The following ERI1 variants were observed in gnomAD, a reference collection of about 807,000 sequenced individuals.
ERI1 encodes the protein 3'-5' exoribonuclease 1.
A neutral mutation model predicts 39.7 loss-of-function variants in ERI1; 39 were observed. That is an observed-to-expected ratio of 0.98 (90% CI 0.76 to 1.28). The LOEUF (loss-of-function observed/expected upper bound fraction) is 1.28, where lower values mean the gene tolerates loss of function less well. ERI1 is among the 50% of genes most tolerant of loss of function. The probability of loss-of-function intolerance (pLI) is 0.00; values close to 1 mark genes in which losing one functional copy is unlikely to be tolerated. For missense variants in ERI1, 581 were observed against 416.9 expected (o/e 1.39, Z -3.43); for synonymous variants, 204 against 149.6 (o/e 1.36, Z -2.65).
At chr8:9,075,010 G>A (rs1799162538) in intron 3 of ERI1, among the ~76,000 whole-genome samples, 1 of 152,124 alleles carries the variant, frequency 6.6e-6, no homozygotes, top group Admixed American at 6.6e-5. Flanking sequence ...CTGGTCCCGT[G>A]GAAGCCCATT....
chr8:9,094,202 A>G (rs994240656), intron 3 of ERI1, among the ~76,000 whole-genome samples: 4 of 152,214 alleles, frequency 2.6e-5, no homozygotes, highest in Admixed American at 2.6e-4. Flanking sequence ...TTTCTTGACA[A>G]GCTCCAATTT....
In ERI1 at chr8:9,030,018, C is replaced by A; in HGVS notation, c.1034C>A (p.Pro345Gln). ...PIEGTPPPQM[P>Q]HFRK is the part of the protein sequence containing the mutation. ...GAGGGCACTCCACCACCACAAATGC[C>A]ACATTTTAGAAAGTAACAACAGTTT... is the stretch of plus-strand genomic sequence containing the variant. The change falls in exon 7 of 7, where the codon CCA (proline) becomes CAA (glutamine). Residue 345 changes from proline to glutamine, a missense_variant. By Grantham distance (76) the Pro-to-Gln change is moderately conservative. Coordinates refer to ENST00000250263, the MANE Select transcript of ERI1 (RefSeq NM_153332.4). 1 of 1,594,572 alleles carries A rather than the reference C, an allele frequency of 6.3e-7. No homozygotes were observed. Among genetic ancestry groups the A allele is most frequent in the Non-Finnish European group, 8.5e-7 (1 of 1,171,274 alleles).
At chr8:9,028,476 A>G (rs749499775) in intron 6 of ERI1, among the ~76,000 whole-genome samples, 5 of 152,242 alleles carry the variant, frequency 3.3e-5, no homozygotes, top group African/African-American at 4.8e-5. Context: ...TGATTATCCC[A>G]GTAACCCTAT....
chr8:9,061,374 G>A (rs1368755316), intron 3 of ERI1, among the ~76,000 whole-genome samples: 6 of 152,312 alleles, frequency 3.9e-5, no homozygotes, highest in African/African-American at 1.4e-4. Context: ...AACAAAGAGT[G>A]AGTACAGCTG....
downstream of ERI1, among the ~76,000 whole-genome samples, chr8:9,034,508 T>C (rs1797777736): frequency 6.7e-6 from 1 of 149,680 alleles, no homozygotes; most frequent in African/African-American, 2.6e-5. Context: ...ATTATCTCTC[T>C]TAGGGTGATT....
chr8:9,090,651 C>G (rs1262022920), intron 3 of ERI1, among the ~76,000 whole-genome samples: 2 of 152,196 alleles, frequency 1.3e-5, no homozygotes, highest in East Asian at 3.8e-4. Context: ...AGGAAACTCT[C>G]TCTGGGGTCC....
intron 3 of ERI1, among the ~76,000 whole-genome samples, chr8:9,069,161 C>A (rs939516723): frequency 6.6e-6 from 1 of 152,106 alleles, no homozygotes; most frequent in African/African-American, 2.4e-5. Flanking sequence ...GTGGGGTTAA[C>A]GGTTTGAACA....
intron 1 of ERI1, among the ~76,000 whole-genome samples, chr8:9,003,573 A>T (rs1243892728): frequency 1.3e-5 from 2 of 152,346 alleles, no homozygotes; most frequent in East Asian, 3.9e-4. Flanking sequence ...TTTTAAAAAA[A>T]GAAAAAATTT....
chr8:9,028,973 GTTTTT>G (rs34569795), intron 6 of ERI1, among the ~76,000 whole-genome samples: 1 of 113,104 alleles, frequency 8.8e-6, no homozygotes. Flanking sequence ...GAGTGTGAGA[GTTTTT>G]TTTTTTTTTT....
At chr8:9,054,665 C>T (rs953388588) in intron 3 of ERI1, among the ~76,000 whole-genome samples, 1 of 152,264 alleles carries the variant, frequency 6.6e-6, no homozygotes, top group African/African-American at 2.4e-5. Context: ...TGGCCCACGC[C>T]TGTGATCCCA....
At chr8:9,026,439 G>A (rs749552888) in intron 6 of ERI1, among the ~76,000 whole-genome samples, 1 of 151,986 alleles carries the variant, frequency 6.6e-6, no homozygotes, top group Non-Finnish European at 1.5e-5. Context: ...GTCTCTATCA[G>A]TTTGACTTAT....
intron 4 of ERI1, among the ~76,000 whole-genome samples, chr8:9,017,798 A>G (rs1379927458): frequency 2.0e-5 from 3 of 152,220 alleles, no homozygotes; most frequent in African/African-American, 4.8e-5. Flanking sequence ...GGTCTTGTGC[A>G]TCTATTTGTC....
At chr8:9,082,354 G>T (rs1416548389) in intron 3 of ERI1, among the ~76,000 whole-genome samples, 1 of 152,150 alleles carries the variant, frequency 6.6e-6, no homozygotes, top group Admixed American at 6.5e-5. Context: ...CTAATGAGTT[G>T]CCAAGTCACC....
intron 2 of ERI1, among the ~76,000 whole-genome samples, chr8:9,010,238 C>A (rs1816518484): frequency 6.6e-6 from 1 of 152,154 alleles, no homozygotes; most frequent in Non-Finnish European, 1.5e-5. Flanking sequence ...GTATGTTTGT[C>A]CTGCCATTAG....
At chr8:9,024,111 T>C (rs181216339) in intron 6 of ERI1, among the ~76,000 whole-genome samples, 1 of 152,274 alleles carries the variant, frequency 6.6e-6, no homozygotes, top group East Asian at 1.9e-4. Context: ...AAAATGACCT[T>C]CTATCCAGTC....
At chr8:9,019,743 C>T (rs1336009363) in intron 5 of ERI1, among the ~76,000 whole-genome samples, 2 of 152,096 alleles carry the variant, frequency 1.3e-5, no homozygotes, top group East Asian at 1.9e-4. Flanking sequence ...GGATTATATC[C>T]TGTTCCCAGT....
chr8:9,074,277 A>AT (rs936269782), intron 3 of ERI1, among the ~76,000 whole-genome samples: 68 of 143,690 alleles, frequency 4.7e-4, no homozygotes, highest in Admixed American at 7.0e-4. Context: ...TGCCTGGCTA[A>AT]TTTTTTTTTT....
chr8:9,013,493 A>G (rs13266237), intron 3 of ERI1, among the ~76,000 whole-genome samples: 6 of 151,662 alleles, frequency 4.0e-5, no homozygotes, highest in Non-Finnish European at 7.4e-5. Flanking sequence ...GCTTCCCCGT[A>G]TCAGATGACC....
intron 3 of ERI1, among the ~76,000 whole-genome samples, chr8:9,088,935 A>G (rs1440822781): frequency 6.6e-6 from 1 of 152,192 alleles, no homozygotes; most frequent in Non-Finnish European, 1.5e-5. Flanking sequence ...CCTACCCTGG[A>G]GAGCAGCGTG....
Sources: gnomAD v4.1 joint callset for allele counts (sites outside exome capture counted in the v4.1 genomes callset) on GRCh38, gnomAD v4.1.1 for gene constraint, MANE v1.5 for transcripts, NCBI Gene and HGNC (gene_info 2026-07-23, HGNC 2026-07-21) for gene names.